Variants in NKAIN3 observed in about 807,000 individuals in gnomAD.
NKAIN3 encodes the protein sodium/potassium transporting ATPase interacting 3, also known as sodium/potassium-transporting ATPase subunit beta-1-interacting protein 3.
A neutral mutation model predicts 30.2 loss-of-function variants in NKAIN3; 25 were observed. The ratio of observed to expected loss-of-function variants is 0.83; its 90% CI spans 0.60 to 1.16. NKAIN3 has a LOEUF of 1.16. NKAIN3 is among the 50% of genes most tolerant of loss of function. The probability of loss-of-function intolerance (pLI) is 0.00; values close to 1 mark genes in which losing one functional copy is unlikely to be tolerated. For missense variants in NKAIN3, 225 were observed against 254.1 expected (o/e 0.89, Z 0.78); for synonymous variants, 91 against 89.6 (o/e 1.02, Z -0.09).
At chr8:62,383,320 T>C (rs1262758398) in intron 1 of NKAIN3, among the ~76,000 whole-genome samples, 1 of 152,128 alleles carries the variant, frequency 6.6e-6, no homozygotes, top group East Asian at 1.9e-4. Flanking sequence ...CTTGAAGGCT[T>C]GGAGTTAACA....
intron 1 of NKAIN3, among the ~76,000 whole-genome samples, chr8:62,356,720 C>T (rs960367093): frequency 3.9e-5 from 6 of 152,114 alleles, no homozygotes; most frequent in Non-Finnish European, 7.4e-5. Context: ...CAAATTGTGT[C>T]ACTCTTAAAA....
chr8:62,388,490 C>T (rs1817492400), intron 1 of NKAIN3, among the ~76,000 whole-genome samples: 1 of 152,144 alleles, frequency 6.6e-6, no homozygotes, highest in African/African-American at 2.4e-5. Flanking sequence ...TATGTGGTAA[C>T]AAATGGGGAT....
intron 4 of NKAIN3, among the ~76,000 whole-genome samples, chr8:62,802,160 G>A (rs1462629018): frequency 6.6e-6 from 1 of 152,234 alleles, no homozygotes; most frequent in Non-Finnish European, 1.5e-5. Flanking sequence ...ACCTGAAAGT[G>A]ACAGGGAGAA....
At chr8:62,793,389 C>T in intron 4 of NKAIN3, among the ~76,000 whole-genome samples, 1 of 152,170 alleles carries the variant, frequency 6.6e-6, no homozygotes, top group East Asian at 1.9e-4. Flanking sequence ...CATGGCACCC[C>T]AAGCCCTTCT....
chr8:62,471,490 G>T (rs993958757), intron 1 of NKAIN3, among the ~76,000 whole-genome samples: 23 of 152,126 alleles, frequency 1.5e-4, no homozygotes. Flanking sequence ...AAAATCTTGT[G>T]TGTACCATAA....
At chr8:62,314,011 A>T (rs551325874) in intron 1 of NKAIN3, among the ~76,000 whole-genome samples, 71 of 152,132 alleles carry the variant, frequency 4.7e-4, no homozygotes, top group Admixed American at 2.4e-3. Flanking sequence ...CATTTTTATC[A>T]TTATTTCTCC....
intron 4 of NKAIN3, among the ~76,000 whole-genome samples, chr8:62,886,544 T>C (rs1040155063): frequency 6.6e-6 from 1 of 152,280 alleles, no homozygotes; most frequent in Non-Finnish European, 1.5e-5. Flanking sequence ...CAACAAATTA[T>C]CTCAATTTTT....
rs140452410 is a variant in NKAIN3, at chr8:62,607,059, A to G, written c.273+17265A>G. Among the ~76,000 whole-genome samples the G allele has an allele frequency of 7.1e-4, 108 of 152,320 alleles. No homozygotes were observed. In the East Asian group the frequency reaches 0.018, roughly 25 times the overall value. On this transcript the variant is annotated intron_variant, in intron 3 of 6. Transcript: ENST00000623646. ...TGGGCATTGGGTGATCACATGAATAATTGAAGACTGATTTGTTAACCATGT... is the reference window on the plus strand; with the variant it reads ...TGGGCATTGGGTGATCACATGAATAGTTGAAGACTGATTTGTTAACCATGT...
intron 4 of NKAIN3, among the ~76,000 whole-genome samples, chr8:62,786,348 G>A (rs1298771538): frequency 1.3e-5 from 2 of 152,044 alleles, no homozygotes; most frequent in Non-Finnish European, 2.9e-5. Flanking sequence ...TTTATTAAGT[G>A]TCTTTCATTT....
chr8:62,824,213 G>A (rs765402317), intron 4 of NKAIN3, among the ~76,000 whole-genome samples: 3 of 152,094 alleles, frequency 2.0e-5, no homozygotes, highest in Admixed American at 6.6e-5. Context: ...GAGTAATTCC[G>A]TGAAAGTATC....
chr8:62,640,871 C>T (rs77398193), intron 3 of NKAIN3, among the ~76,000 whole-genome samples: 1 of 151,908 alleles, frequency 6.6e-6, no homozygotes, highest in Admixed American at 6.6e-5. Flanking sequence ...TTTCTTAAAT[C>T]GAAGCTGAAA....
chr8:62,363,735 GA>G (rs1816635586), intron 1 of NKAIN3, among the ~76,000 whole-genome samples: 1 of 152,172 alleles, frequency 6.6e-6, no homozygotes, highest in South Asian at 2.1e-4. Context: ...GGGATTAGAT[GA>G]AAATTATGTT....
At chr8:62,339,495 G>T (rs1375767081) in intron 1 of NKAIN3, among the ~76,000 whole-genome samples, 1 of 151,976 alleles carries the variant, frequency 6.6e-6, no homozygotes, top group Non-Finnish European at 1.5e-5. Flanking sequence ...CTTCTACACT[G>T]ACTATTTCCT....
chr8:62,921,070 C>CT (rs1327597430), intron 5 of NKAIN3, among the ~76,000 whole-genome samples: 1 of 152,144 alleles, frequency 6.6e-6, no homozygotes, highest in Non-Finnish European at 1.5e-5. Context: ...TGTGCCAACA[C>CT]TTAGCTTTTA....
chr8:62,383,035 G>A (rs139317026), intron 1 of NKAIN3, among the ~76,000 whole-genome samples: 195 of 152,196 alleles, frequency 1.3e-3, no homozygotes, highest in African/African-American at 4.2e-3. Context: ...AGCCTCAAAG[G>A]TCCTTATAAT....
At chr8:62,308,090 G>A (rs1352884455) in intron 1 of NKAIN3, among the ~76,000 whole-genome samples, 1 of 150,534 alleles carries the variant, frequency 6.6e-6, no homozygotes, top group African/African-American at 2.5e-5. Context: ...GCAGACTTGG[G>A]TAGATAATTA....
intron 3 of NKAIN3, among the ~76,000 whole-genome samples, chr8:62,692,815 C>A (rs143510148): frequency 2.6e-5 from 4 of 152,336 alleles, no homozygotes; most frequent in African/African-American, 9.6e-5. Flanking sequence ...TCACTAATGT[C>A]ATTTGATGGC....
Position 62,856,174 on chromosome 8 carries a change from C to G in NKAIN3, c.472-62279C>G, listed in dbSNP as rs909300610. The G allele has an allele frequency of 7.9e-6, 6 of 755,284 alleles. No homozygotes were observed. In the East Asian group the frequency reaches 1.5e-4, roughly 19 times the overall value. 46.8% of individuals were successfully genotyped at this position (755,284 alleles called of 1,614,324 possible). The stretch of plus-strand genomic sequence containing the variant: ...TCTCAGACCTCTTGGTATCACTAGG[C>G]AGAAGCAAACTTCCTGTATTTGTAT... On this transcript the variant is annotated intron_variant, in intron 4 of 6. Transcript: ENST00000623646.
At chr8:62,588,610 A>G (rs1215306668) in intron 2 of NKAIN3, among the ~76,000 whole-genome samples, 2 of 151,838 alleles carry the variant, frequency 1.3e-5, no homozygotes, top group South Asian at 4.1e-4. Flanking sequence ...CCTATATTAC[A>G]CAGAGTCTAA....
Sources: gnomAD v4.1 joint callset for allele counts (sites outside exome capture counted in the v4.1 genomes callset) on GRCh38, gnomAD v4.1.1 for gene constraint, MANE v1.5 for transcripts, NCBI Gene and HGNC (gene_info 2026-07-23, HGNC 2026-07-21) for gene names.